The following DNAH5 variants were observed in gnomAD, a reference collection of about 807,000 sequenced individuals.
DNAH5 encodes the protein dynein axonemal heavy chain 5.
DNAH5 carries 372 observed loss-of-function variants against 518.2 expected under a neutral mutation model. That is an observed-to-expected ratio of 0.72 (90% CI 0.66 to 0.78). The LOEUF (loss-of-function observed/expected upper bound fraction) is 0.78, where lower values mean the gene tolerates loss of function less well. DNAH5 is among the 30% of genes least tolerant of loss of function. The pLI, the probability that DNAH5 is intolerant of heterozygous loss-of-function variation, is 0.00. For missense variants in DNAH5, 5,523 were observed against 5,687.0 expected (o/e 0.97, Z 0.93); for synonymous variants, 2,039 against 2,025.9 (o/e 1.01, Z -0.17).
At chr5:13,870,687 T>C in intron 24 of DNAH5, 80 bp downstream of exon 24, 1 of 1,289,000 alleles carries the variant, frequency 7.8e-7, no homozygotes, top group Non-Finnish European at 1.1e-6. Context: ...GTAACTTCAC[T>C]CCAGACCCAG....
intron 31 of DNAH5, among the ~76,000 whole-genome samples, chr5:13,846,741 A>C (rs1213847578): frequency 6.6e-6 from 1 of 152,236 alleles, no homozygotes; most frequent in Non-Finnish European, 1.5e-5. Context: ...CAGCTCTCAC[A>C]GGATCCTCAG....
At chr5:13,922,570 T>C (rs1580905473) in intron 4 of DNAH5, among the ~76,000 whole-genome samples, 2 of 151,600 alleles carry the variant, frequency 1.3e-5, no homozygotes, top group Admixed American at 1.3e-4. Context: ...CTACTAAACA[T>C]ACAAAAATTA....
At chr5:13,783,228 G>GC (rs1755460853) in intron 52 of DNAH5, among the ~76,000 whole-genome samples, 1 of 152,178 alleles carries the variant, frequency 6.6e-6, no homozygotes, top group African/African-American at 2.4e-5. Context: ...GGCCTGAAGT[G>GC]CCCCCTGGGG....
intron 1 of DNAH5, among the ~76,000 whole-genome samples, chr5:13,979,739 C>G (rs1228261588): frequency 6.6e-6 from 1 of 152,108 alleles, no homozygotes; most frequent in Non-Finnish European, 1.5e-5. Flanking sequence ...TCTTACTGAT[C>G]AACTGCATTT....
intron 1 of DNAH5, among the ~76,000 whole-genome samples, chr5:13,966,650 T>C (rs1325537941): frequency 6.6e-6 from 1 of 152,214 alleles, no homozygotes; most frequent in Non-Finnish European, 1.5e-5. Context: ...TGGCCATTTG[T>C]ATATCTTCTT....
At position 13,708,211 on chromosome 5, in the gene DNAH5, G is replaced by C. The variant is rs752694683; in HGVS notation, c.13250C>G (p.Ala4417Gly). The C allele has an allele frequency of 2.5e-6, 4 of 1,614,168 alleles. No individual in the cohort carries two copies. Among genetic ancestry groups the C allele is most frequent in the Admixed American group, 1.7e-5 (1 of 60,028 alleles). Residue 4417 changes from alanine to glycine, a missense_variant, in exon 76 of 79, where the codon GCT becomes GGT. Coordinates refer to ENST00000265104, the MANE Select transcript of DNAH5 (RefSeq NM_001369.3). ...VRSTLTELKL[A>G]IDGTIIMSEN... ...GCTCATGATGATGGTGCCATCAATA[G>C]CAAGTTTCAGCTCAGTGAGGGTGCT...
At chr5:13,762,972 A>C in intron 59 of DNAH5, 71 bp from the exon 60 acceptor site, 16 of 1,301,302 alleles carry the variant, frequency 1.2e-5, no homozygotes, top group Non-Finnish European at 1.5e-5. Context: ...TCATGCTCTC[A>C]ATGCCACTGA....
At chr5:13,930,890 G>A (rs555350205) in intron 2 of DNAH5, among the ~76,000 whole-genome samples, 126 of 152,292 alleles carry the variant, frequency 8.3e-4, no homozygotes, top group African/African-American at 3.0e-3. Context: ...TCAGAATCAC[G>A]GAACTCAAAT....
chr5:13,714,360 A>G (rs1291590343), intron 75 of DNAH5, 45 bp downstream of exon 75: 5 of 1,588,964 alleles, frequency 3.1e-6, no homozygotes, highest in East Asian at 2.2e-5. Context: ...CCAACCGAAG[A>G]TATGCAACCC....
intron 1 of DNAH5, among the ~76,000 whole-genome samples, chr5:13,993,299 C>G (rs949472216): frequency 2.6e-4 from 39 of 152,134 alleles, no homozygotes; most frequent in African/African-American, 9.2e-4. Context: ...GAGTTTTTAT[C>G]ACTGTCTCTA....
At chr5:13,791,800 T>C (rs1352051433) in intron 50 of DNAH5, among the ~76,000 whole-genome samples, 194 bp downstream of exon 50, 1 of 152,194 alleles carries the variant, frequency 6.6e-6, no homozygotes, top group African/African-American at 2.4e-5. Flanking sequence ...CCTAATTTAA[T>C]TGGAATTTAT....
chr5:13,694,416 C>T (rs1243325677), intron 78 of DNAH5, among the ~76,000 whole-genome samples: 1 of 152,214 alleles, frequency 6.6e-6, no homozygotes, highest in Non-Finnish European at 1.5e-5. Context: ...GCAGATGATT[C>T]GAAACCATCC....
intron 47 of DNAH5, among the ~76,000 whole-genome samples, chr5:13,804,592 T>C (rs935379204): frequency 2.0e-5 from 3 of 152,232 alleles, no homozygotes; most frequent in Non-Finnish European, 4.4e-5. Context: ...TAGAAATCCC[T>C]GATGCTCCAC....
At chr5:13,967,922 CA>C (rs1781632112) in intron 1 of DNAH5, among the ~76,000 whole-genome samples, 1 of 152,138 alleles carries the variant, frequency 6.6e-6, no homozygotes, top group Non-Finnish European at 1.5e-5. Flanking sequence ...GTCATTTTCA[CA>C]ATACTGATTC....
chr5:13,946,049 G>T (rs1303709601), upstream of DNAH5, among the ~76,000 whole-genome samples: 1 of 152,162 alleles, frequency 6.6e-6, no homozygotes, highest in Non-Finnish European at 1.5e-5. Context: ...AGTAGGATCG[G>T]ATCCTCCTCA....
intron 1 of DNAH5, among the ~76,000 whole-genome samples, chr5:14,001,378 G>C (rs339960): frequency 0.72 from 108,845 of 152,038 alleles, 39,206 homozygotes; most frequent in South Asian, 0.8. Flanking sequence ...TTGTTGTTGA[G>C]ACAGAGTCAG....
intron 22 of DNAH5, among the ~76,000 whole-genome samples, chr5:13,873,617 A>G (rs1007943258): frequency 6.6e-6 from 1 of 152,028 alleles, no homozygotes; most frequent in African/African-American, 2.4e-5. Flanking sequence ...CAATTGTATC[A>G]TCTACAAATA....
At position 13,766,074 on chromosome 5, in the gene DNAH5, T is replaced by C. The variant is rs1437605732; in HGVS notation, c.10003A>G (p.Ser3335Gly). 2.5e-6 allele frequency: 4 copies of C among 1,614,086 alleles called. No homozygotes were observed. The African/African-American group carries it at 4.0e-5, about 16-fold the overall frequency. Residue 3335 changes from serine to glycine, a missense_variant, in exon 59 of 79, where the codon AGT becomes GGT. Transcript: ENST00000265104. ...TTTTCCAGGTCAATTTTCACAGCAC[T>C]GACTTTCCTTTGAAACAGCAGCAGT... The part of the protein sequence containing the change: ...CVLLLFQRKV[S>G]AVKIDLEKSC...
At chr5:13,853,492 C>T (rs376119875) in intron 30 of DNAH5, among the ~76,000 whole-genome samples, 89 of 152,176 alleles carry the variant, frequency 5.8e-4, no homozygotes, top group African/African-American at 2.1e-3. Context: ...TCCTCGCCAG[C>T]AAGGGAACAA....
Sources: gnomAD v4.1 joint callset for allele counts (sites outside exome capture counted in the v4.1 genomes callset) on GRCh38, gnomAD v4.1.1 for gene constraint, MANE v1.5 for transcripts, NCBI Gene and HGNC (gene_info 2026-07-23, HGNC 2026-07-21) for gene names.